Variants in SNX29 observed in about 807,000 individuals in gnomAD.
The protein encoded by SNX29 is sorting nexin 29.
In SNX29, 78 loss-of-function variants were observed where a neutral mutation model predicts 102.1. The ratio of observed to expected loss-of-function variants is 0.76; its 90% CI spans 0.64 to 0.92. The LOEUF is 0.92. Ranked by LOEUF, SNX29 falls within the 40% of genes least tolerant of loss-of-function variation. The probability of loss-of-function intolerance (pLI) is 0.00; values close to 1 mark genes in which losing one functional copy is unlikely to be tolerated. For missense variants in SNX29, 1,280 were observed against 1,061.7 expected, an observed-to-expected ratio of 1.21 and a Z score of -2.86; for synonymous variants, 580 against 414.5, an observed-to-expected ratio of 1.40 and a Z score of -4.85.
At chr16:12,539,951 T>A (rs922523560) in intron 20 of SNX29, among the ~76,000 whole-genome samples, 1 of 152,240 alleles carries the variant, frequency 6.6e-6, no homozygotes, top group Non-Finnish European at 1.5e-5. Flanking sequence ...AAGACCTTTG[T>A]CGAACATGTG....
At chr16:12,562,266 C>A (rs1217193639) in intron 20 of SNX29, among the ~76,000 whole-genome samples, 1 of 152,140 alleles carries the variant, frequency 6.6e-6, no homozygotes, top group Non-Finnish European at 1.5e-5. Flanking sequence ...AGCAGCATCC[C>A]CATGGGCCAC....
intron 14 of SNX29, among the ~76,000 whole-genome samples, chr16:12,236,945 G>GGGGAGTAAA (rs1385966950): frequency 6.6e-6 from 1 of 152,186 alleles, no homozygotes; most frequent in Non-Finnish European, 1.5e-5. Flanking sequence ...AAAGCCGGGT[G>GGGGAGTAAA]GGGAGTAAAG....
At chr16:11,980,960 AT>A (rs1341639724) in intron 1 of SNX29, among the ~76,000 whole-genome samples, 1 of 139,840 alleles carries the variant, frequency 7.2e-6, no homozygotes, top group Non-Finnish European at 1.6e-5. Flanking sequence ...TTTCATTTTC[AT>A]TTTCTTTTTT....
At position 12,570,263 on chromosome 16, in the gene SNX29, G is replaced by C. The variant is rs2079158879; in HGVS notation, c.*1634G>C. 2 of 1,065,146 alleles carry C rather than the reference G, an allele frequency of 1.9e-6. No homozygotes were observed. The highest frequency in any genetic ancestry group is 1.1e-6 in the Non-Finnish European group (1 of 879,184). 66.0% of individuals were successfully genotyped at this position (1,065,146 alleles called of 1,614,324 possible). On this transcript the variant is annotated 3_prime_UTR_variant, in exon 21 of 21. Transcript: ENST00000566228. Reference sequence around the variant, plus strand: ...GACCAAATGAGCTGGAGCATGTATGGAGGTGCGGACCCTGCAGTCAGTTTG... The same window carrying C: ...GACCAAATGAGCTGGAGCATGTATGCAGGTGCGGACCCTGCAGTCAGTTTG...
intron 18 of SNX29, among the ~76,000 whole-genome samples, chr16:12,407,271 A>G (rs1191254285): frequency 1.3e-5 from 2 of 151,668 alleles, no homozygotes; most frequent in African/African-American, 4.8e-5. Context: ...CTTAGGAAAA[A>G]CAGCAAGGCT....
At chr16:12,276,401 G>T (rs946274812) in intron 14 of SNX29, among the ~76,000 whole-genome samples, 2 of 152,160 alleles carry the variant, frequency 1.3e-5, no homozygotes, top group Non-Finnish European at 2.9e-5. Context: ...TTGAGCCTTC[G>T]GCGGGCTCTA....
chr16:12,535,275 A>G (rs2077042933), intron 20 of SNX29, among the ~76,000 whole-genome samples: 1 of 152,096 alleles, frequency 6.6e-6, no homozygotes, highest in Non-Finnish European at 1.5e-5. Flanking sequence ...AGTAGCTGGG[A>G]TTACAGGCAT....
chr16:12,285,131 G>T (rs927552706), intron 15 of SNX29, among the ~76,000 whole-genome samples: 2 of 152,192 alleles, frequency 1.3e-5, no homozygotes, highest in Non-Finnish European at 2.9e-5. Context: ...TACCAGCGGT[G>T]CTCTCACTTA....
chr16:12,525,812 T>G (rs534948330), intron 20 of SNX29, among the ~76,000 whole-genome samples: 1 of 151,764 alleles, frequency 6.6e-6, no homozygotes, highest in South Asian at 2.1e-4. Context: ...ATGCAGTGAC[T>G]TCTTTTCGCC....
chr16:12,406,095 C>A (rs551097826), intron 18 of SNX29, among the ~76,000 whole-genome samples: 3 of 150,184 alleles, frequency 2.0e-5, no homozygotes, highest in African/African-American at 7.3e-5. Context: ...TCTAGAGAAA[C>A]GTCTAAAAAA....
chr16:12,427,190 T>C (rs77645909), intron 18 of SNX29, among the ~76,000 whole-genome samples: 1,787 of 152,206 alleles, frequency 0.012, 39 homozygotes, highest in African/African-American at 0.04. Context: ...CTCAAGGTGG[T>C]TTCTTCTCGG....
At chr16:12,471,905 A>G (rs1404307969) in intron 18 of SNX29, among the ~76,000 whole-genome samples, 2 of 152,220 alleles carry the variant, frequency 1.3e-5, no homozygotes, top group Non-Finnish European at 2.9e-5. Context: ...ACATTCTACC[A>G]TGTTTTCTCC....
intron 18 of SNX29, among the ~76,000 whole-genome samples, chr16:12,404,681 AAG>A (rs2084092735): frequency 6.6e-6 from 1 of 152,190 alleles, no homozygotes; most frequent in Non-Finnish European, 1.5e-5. Context: ...GTGTTGAAGA[AAG>A]GACACTGAAC....
At chr16:12,277,802 G>A (rs1052285324) in intron 14 of SNX29, 131 bp from the exon 15 acceptor site, 17 of 678,468 alleles carry the variant, frequency 2.5e-5, no homozygotes, top group Admixed American at 1.2e-4. Context: ...TAGTAAGTGT[G>A]TGTGTGTGTT....
At chr16:12,442,433 C>A (rs1232054017) in intron 18 of SNX29, among the ~76,000 whole-genome samples, 1 of 152,082 alleles carries the variant, frequency 6.6e-6, no homozygotes, top group Non-Finnish European at 1.5e-5. Context: ...ATCTTTAGGG[C>A]AAGAGATTAC....
intron 19 of SNX29, among the ~76,000 whole-genome samples, chr16:12,493,646 C>A (rs1221195581): frequency 6.6e-6 from 1 of 152,214 alleles, no homozygotes; most frequent in Non-Finnish European, 1.5e-5. Context: ...GGCTGGACTG[C>A]AGTGGCACGA....
chr16:12,478,096 CTT>C (rs1464466551), intron 19 of SNX29, among the ~76,000 whole-genome samples: 1 of 152,144 alleles, frequency 6.6e-6, no homozygotes, highest in African/African-American at 2.4e-5. Context: ...AGTTGGAAAA[CTT>C]TTTCTTTAAA....
intron 13 of SNX29, among the ~76,000 whole-genome samples, chr16:12,195,593 G>A (rs991030224): frequency 3.3e-5 from 5 of 152,204 alleles, no homozygotes; most frequent in Admixed American, 3.3e-4. Context: ...TCACATCTGT[G>A]CAGGAGTCTT....
intron 8 of SNX29, among the ~76,000 whole-genome samples, chr16:12,053,665 T>G (rs532289388): frequency 0.013 from 686 of 54,340 alleles, 10 homozygotes; most frequent in African/African-American, 0.034. Context: ...AATATTAGGG[T>G]TTTTTTTTTT....
Sources: gnomAD v4.1 joint callset for allele counts (sites outside exome capture counted in the v4.1 genomes callset) on GRCh38, gnomAD v4.1.1 for gene constraint, MANE v1.5 for transcripts, NCBI Gene and HGNC (gene_info 2026-07-23, HGNC 2026-07-21) for gene names.